The following CERS3 variants were observed in gnomAD, a reference collection of about 807,000 sequenced individuals.
The protein encoded by CERS3 is ceramide synthase 3, also known as LAG1 homolog, ceramide synthase 3.
CERS3 carries 33 observed loss-of-function variants against 50.3 expected under a neutral mutation model. The observed-to-expected ratio is 0.66, with a 90% confidence interval of 0.50 to 0.88. The LOEUF (loss-of-function observed/expected upper bound fraction) is 0.88. CERS3 is among the 40% of genes least tolerant of loss of function. The pLI is 0.00. For synonymous variants in CERS3, 176 were observed against 155.2 expected, an observed-to-expected ratio of 1.13 and a Z score of -0.99; for missense variants, 470 against 460.3, an observed-to-expected ratio of 1.02 and a Z score of -0.19.
chr15:100,444,505 G>A (rs1025163085), intron 11 of CERS3, among the ~76,000 whole-genome samples: 25 of 151,126 alleles, frequency 1.7e-4, no homozygotes, highest in African/African-American at 3.7e-4. Flanking sequence ...TCCACCAGGC[G>A]TAATCGCCAC....
At chr15:100,467,762 TC>T in intron 10 of CERS3, among the ~76,000 whole-genome samples, 1 of 122,142 alleles carries the variant, frequency 8.2e-6, no homozygotes, top group Non-Finnish European at 1.7e-5. Context: ...TCTCTCTCTC[TC>T]TCTCTCTATA....
At chr15:100,420,430 G>T (rs976887696) in intron 11 of CERS3, among the ~76,000 whole-genome samples, 3 of 152,146 alleles carry the variant, frequency 2.0e-5, no homozygotes, top group African/African-American at 7.2e-5. Context: ...TGAAATTGTG[G>T]CAATAATCAA....
intron 11 of CERS3, among the ~76,000 whole-genome samples, chr15:100,403,695 C>T (rs1044750643): frequency 7.2e-5 from 11 of 152,218 alleles, no homozygotes; most frequent in Middle Eastern, 3.4e-3. Flanking sequence ...TTGCCCCAGC[C>T]GAAACAGGTA....
intron 10 of CERS3, among the ~76,000 whole-genome samples, chr15:100,462,997 A>T (rs1225426856): frequency 6.6e-6 from 1 of 152,208 alleles, no homozygotes; most frequent in Non-Finnish European, 1.5e-5. Context: ...GGCACAAGGA[A>T]TTATTTAGTT....
At chr15:100,518,407 A>G (rs775563809) in intron 2 of CERS3, among the ~76,000 whole-genome samples, 15 of 152,130 alleles carry the variant, frequency 9.9e-5, no homozygotes, top group Non-Finnish European at 1.6e-4. Context: ...TAGAGAATAA[A>G]TTTCATTTAT....
At chr15:100,487,994 T>C (rs2035538209) in intron 4 of CERS3, among the ~76,000 whole-genome samples, 1 of 152,238 alleles carries the variant, frequency 6.6e-6, no homozygotes, top group Non-Finnish European at 1.5e-5. Context: ...TACTACACGT[T>C]ACCTATAGCA....
chr15:100,416,073 T>A lies in CERS3; in HGVS notation c.1000-13208A>T, dbSNP rs183258762. On this transcript the variant is annotated intron_variant, in intron 11 of 11. Transcript: ENST00000679737. ...AATGGCCATACTACCCAAAGCAACT[T>A]ATAGATTCAATACCATTCTTATCAA... Among the ~76,000 whole-genome samples the A allele has an allele frequency of 6.1e-4, 93 of 152,282 alleles. 1 individual carries two copies. The highest frequency in any genetic ancestry group is 2.7e-3 in the Admixed American group (42 of 15,296).
At chr15:100,529,280 C>T (rs573056935), upstream of CERS3, 11 of 152,286 alleles carry the variant, frequency 7.2e-5, no homozygotes, top group Admixed American at 2.0e-4. Context: ...GGAGCTGGTT[C>T]GACAAGTATA....
At chr15:100,526,604 T>TG (rs2036801553) in intron 1 of CERS3, among the ~76,000 whole-genome samples, 1 of 152,052 alleles carries the variant, frequency 6.6e-6, no homozygotes, top group Non-Finnish European at 1.5e-5. Context: ...TACTATGCTT[T>TG]GGGGGACTTT....
At chr15:100,445,599 C>T (rs1389034678) in intron 11 of CERS3, among the ~76,000 whole-genome samples, 1 of 152,142 alleles carries the variant, frequency 6.6e-6, no homozygotes, top group Non-Finnish European at 1.5e-5. Context: ...CTAACAACCG[C>T]ACAATATCAC....
At chr15:100,414,819 T>TAAAAAAAAAAAAAAAAAAA (rs143114640) in intron 11 of CERS3, among the ~76,000 whole-genome samples, 1 of 141,208 alleles carries the variant, frequency 7.1e-6, no homozygotes. Flanking sequence ...CCAAAATGAT[T>TAAAAAAAAAAAAAAAAAAA]AAAAAAAAAA....
At chr15:100,416,668 C>G in intron 11 of CERS3, among the ~76,000 whole-genome samples, 1 of 152,070 alleles carries the variant, frequency 6.6e-6, no homozygotes, top group East Asian at 1.9e-4. Flanking sequence ...CTTATAAAAC[C>G]ATCAGATCTC....
At chr15:100,499,476 T>C (rs1274442023) in intron 3 of CERS3, among the ~76,000 whole-genome samples, 1 of 152,234 alleles carries the variant, frequency 6.6e-6, no homozygotes, top group Non-Finnish European at 1.5e-5. Context: ...TCTGCTTCTT[T>C]GTTTCTCATC....
chr15:100,439,876 T>C (rs536487501), intron 11 of CERS3, among the ~76,000 whole-genome samples: 33 of 152,286 alleles, frequency 2.2e-4, no homozygotes, highest in African/African-American at 7.9e-4. Flanking sequence ...TGGAAACAGC[T>C]TCTCCAAAGG....
At position 100,450,035 on chromosome 15, in the gene CERS3, G is replaced by A. The variant is rs564434703; in HGVS notation, c.999+5858C>T. On this transcript the variant is annotated intron_variant, in intron 11 of 11. Transcript: ENST00000679737. ...ATGTGAATGAGAGGTTTACCAAAGA[G>A]ATAGAGATCGTAAAAAAAAGAACCA... Among the ~76,000 whole-genome samples the A allele has an allele frequency of 6.4e-4, 97 of 152,188 alleles. 1 individual carries two copies. Among genetic ancestry groups the A allele is most frequent in the African/African-American group, 2.3e-3 (95 of 41,532 alleles).
chr15:100,407,337 T>G (rs902807593), intron 11 of CERS3, among the ~76,000 whole-genome samples: 1 of 152,126 alleles, frequency 6.6e-6, no homozygotes, highest in Admixed American at 6.5e-5. Context: ...ATCCCAACTG[T>G]ATAGGGCCTG....
intron 11 of CERS3, among the ~76,000 whole-genome samples, chr15:100,438,430 T>C (rs183664851): frequency 2.0e-5 from 3 of 152,294 alleles, no homozygotes; most frequent in East Asian, 1.9e-4. Context: ...TCTTGAAAAT[T>C]TTTGAATATT....
intron 1 of CERS3, among the ~76,000 whole-genome samples, chr15:100,533,965 T>C (rs2037008707): frequency 6.6e-6 from 1 of 152,196 alleles, no homozygotes. Flanking sequence ...AAGAGTTTAG[T>C]CAATACTGAG....
At chr15:100,467,204 T>C (rs2142228170) in intron 10 of CERS3, among the ~76,000 whole-genome samples, 1 of 152,204 alleles carries the variant, frequency 6.6e-6, no homozygotes, top group Admixed American at 6.5e-5. Flanking sequence ...CTAGACACTA[T>C]GTGACTGCCC....
Sources: allele counts gnomAD v4.1 joint callset (sites outside exome capture counted in the v4.1 genomes callset), GRCh38; gene constraint gnomAD v4.1.1; transcripts MANE v1.5; gene names NCBI Gene and HGNC (gene_info 2026-07-23, HGNC 2026-07-21).